TRAPPC8: variants seen among roughly 807,000 people sequenced by gnomAD.
The protein encoded by TRAPPC8 is trafficking protein particle complex subunit 8.
In TRAPPC8, 54 loss-of-function variants were observed where a neutral mutation model predicts 174.3. The ratio of observed to expected loss-of-function variants is 0.31; its 90% confidence interval spans 0.25 to 0.39. The LOEUF is 0.39. Ranked by LOEUF, TRAPPC8 falls within the 10% of genes least tolerant of loss-of-function variation. The pLI, the probability that TRAPPC8 is intolerant of heterozygous loss-of-function variation, is 1.00. For missense variants in TRAPPC8, 1,531 were observed against 1,699.1 expected (o/e 0.90, Z 1.74); for synonymous variants, 630 against 579.9 (o/e 1.09, Z -1.24).
At chr18:31,929,043 G>A (rs898251213) in intron 2 of TRAPPC8, among the ~76,000 whole-genome samples, 4 of 151,930 alleles carry the variant, frequency 2.6e-5, no homozygotes, top group Admixed American at 6.6e-5. Context: ...TTAGCTGGGC[G>A]TGGTGGTGGG....
At position 31,877,339 on chromosome 18, in the gene TRAPPC8, G is replaced by A. The variant is rs551643209; in HGVS notation, c.1729-2635C>T. Among the ~76,000 whole-genome samples the A allele has an allele frequency of 2.6e-4, 39 of 152,016 alleles. 1 individual carries two copies. Among genetic ancestry groups the A allele is most frequent in the East Asian group, 2.1e-3 (11 of 5,138 alleles). On this transcript the variant is annotated intron_variant, in intron 12 of 28. Coordinates refer to ENST00000283351, the MANE Select transcript of TRAPPC8 (RefSeq NM_014939.5). ...CAGCTAAAAGTGAGCCTGGCCGGGC[G>A]CGGTGGCTCACACCTGTAATCCCAG...
Position 31,878,504 on chromosome 18 carries a change from G to A in TRAPPC8, c.1729-3800C>T, listed in dbSNP as rs115304111. ...CCAGCTCTACAAGAAATGCTCAAAG[G>A]AGTTCTAAACACGGAAACAAAAGGA... On this transcript the variant is annotated intron_variant, in intron 12 of 28. Coordinates refer to ENST00000283351, the MANE Select transcript of TRAPPC8 (RefSeq NM_014939.5). 6.2e-3 allele frequency among the ~76,000 whole-genome samples: 938 copies of A among 152,178 alleles called. 12 individuals carry two copies. Among genetic ancestry groups the A allele is most frequent in the African/African-American group, 0.022 (898 of 41,522 alleles).
intron 24 of TRAPPC8, among the ~76,000 whole-genome samples, chr18:31,851,262 C>T (rs879824269): frequency 6.6e-6 from 1 of 152,070 alleles, no homozygotes; most frequent in Non-Finnish European, 1.5e-5. Flanking sequence ...ATGCATACTC[C>T]CAAAGTCCAC....
chr18:31,899,332 T>A (rs911150871), intron 10 of TRAPPC8, among the ~76,000 whole-genome samples: 1 of 152,244 alleles, frequency 6.6e-6, no homozygotes, highest in Admixed American at 6.5e-5. Flanking sequence ...AGGTTTGTTA[T>A]TAAGACTAAA....
At chr18:31,890,112 TGTTTAATCCAA>T (rs2035890039) in intron 12 of TRAPPC8, among the ~76,000 whole-genome samples, 1 of 152,194 alleles carries the variant, frequency 6.6e-6, no homozygotes, top group South Asian at 2.1e-4. Flanking sequence ...TAGAGATGGT[TGTTTAATCCAA>T]GTTTCCATTT....
Position 31,942,524 on chromosome 18 carries a change from C to CAG in TRAPPC8, c.157+83_157+84insCT. 6.3e-6 allele frequency: 9 copies of CAG among 1,423,038 alleles called. No homozygotes were observed. In the South Asian group the frequency reaches 1.2e-4, roughly 19 times the overall value. The allele number at this position is 1,423,038 out of a possible 1,614,324, so 88.2% of individuals were successfully genotyped here. ...CCGGCTCCAGGACGTAAACACTGCC[C>CAG]TTCTCTTCCCTGCCCGCCCGCAACT... is the stretch of plus-strand genomic sequence containing the variant. On this transcript the variant is annotated intron_variant, in intron 1 of 28. Coordinates refer to ENST00000283351, the MANE Select transcript of TRAPPC8 (RefSeq NM_014939.5).
intron 27 of TRAPPC8, among the ~76,000 whole-genome samples, chr18:31,836,932 T>C (rs1047700798): frequency 9.9e-5 from 15 of 152,092 alleles, no homozygotes; most frequent in African/African-American, 3.1e-4. Context: ...CGGCTAATTT[T>C]TTTGTATTTT....
chr18:31,880,121 ATTTTTT>A (rs56728828), intron 12 of TRAPPC8, among the ~76,000 whole-genome samples: 2 of 69,052 alleles, frequency 2.9e-5, no homozygotes, highest in African/African-American at 1.2e-4. Context: ...ATATATATAT[ATTTTTT>A]TTTTTTTAAG....
chr18:31,877,791 C>G (rs867547090), intron 12 of TRAPPC8, among the ~76,000 whole-genome samples: 3 of 151,608 alleles, frequency 2.0e-5, no homozygotes, highest in African/African-American at 7.3e-5. Flanking sequence ...GGCGTGGTGG[C>G]GCGTGCCTGT....
At chr18:31,941,854 C>A (rs2144342667) in intron 1 of TRAPPC8, among the ~76,000 whole-genome samples, 1 of 152,228 alleles carries the variant, frequency 6.6e-6, no homozygotes, top group East Asian at 1.9e-4. Context: ...ACATTATTTT[C>A]TCCTAATAAA....
chr18:31,875,459 G>C (rs540381372), intron 12 of TRAPPC8, among the ~76,000 whole-genome samples: 1 of 152,088 alleles, frequency 6.6e-6, no homozygotes, highest in East Asian at 1.9e-4. Flanking sequence ...GGCCAGTGTT[G>C]TGACCACTGA....
In TRAPPC8 at chr18:31,924,266, C is replaced by A. The variant is rs1187322278; in HGVS notation, c.353-6599G>T. On this transcript the variant is annotated intron_variant, in intron 2 of 28. Coordinates refer to ENST00000283351, the MANE Select transcript of TRAPPC8 (RefSeq NM_014939.5). Reference sequence around the variant, plus strand: ...CGCCATTGCACTCCAGCCTGGGCAACAAGAGCAAGAATCCGTCTCAAAAAA... The same window carrying A: ...CGCCATTGCACTCCAGCCTGGGCAAAAAGAGCAAGAATCCGTCTCAAAAAA... Among the ~76,000 whole-genome samples, 3 of 143,620 alleles carry A rather than the reference C, an allele frequency of 2.1e-5. No individual in the cohort carries two copies. In the Admixed American group the frequency reaches 2.1e-4, roughly 10 times the overall value. The allele number at this position is 143,620 out of a possible 152,430, so 94.2% of individuals were successfully genotyped here. A position where few individuals can be genotyped will look rare whatever the true frequency, so the allele number is the denominator to read the frequency against.
chr18:31,905,037 A>ATTTCC, intron 9 of TRAPPC8, among the ~76,000 whole-genome samples: 1 of 152,034 alleles, frequency 6.6e-6, no homozygotes, highest in African/African-American at 2.4e-5. Flanking sequence ...CTCAAAAAAA[A>ATTTCC]AAAAAAAGTC....
At chr18:31,900,773 A>T in intron 10 of TRAPPC8, 152 bp downstream of exon 10, 1 of 568,488 alleles carries the variant, frequency 1.8e-6, no homozygotes, top group Non-Finnish European at 3.0e-6. Context: ...GAAAAGAAAA[A>T]GGTATAATAA....
chr18:31,842,500 G>C lies in TRAPPC8; in HGVS notation c.3838-3043C>G, dbSNP rs868393437. Among the ~76,000 whole-genome samples, 10 of 152,300 alleles carry C rather than the reference G, an allele frequency of 6.6e-5. No individual in the cohort carries two copies. The South Asian group carries it at 1.5e-3, about 22-fold the overall frequency. ...TGCACAATGAAGATGTAACTACAGA[G>C]ACACCAAATACTAATGTGGGTAAGC... On this transcript the variant is annotated intron_variant, in intron 26 of 28. Transcript: ENST00000283351.
At chr18:31,907,675 C>A in intron 8 of TRAPPC8, 65 bp from the exon 9 acceptor site, 1 of 1,317,414 alleles carries the variant, frequency 7.6e-7, no homozygotes, top group Non-Finnish European at 1.0e-6. Flanking sequence ...TTATAAAATA[C>A]ATTAACAAGC....
chr18:31,913,644 G>T, intron 4 of TRAPPC8, 122 bp from the exon 5 acceptor site: 1 of 730,034 alleles, frequency 1.4e-6, no homozygotes, highest in Non-Finnish European at 2.0e-6. Flanking sequence ...ATTTAGACTG[G>T]AAAAATATAA....
At chr18:31,898,935 C>T (rs1335958511) in intron 10 of TRAPPC8, among the ~76,000 whole-genome samples, 1 of 152,158 alleles carries the variant, frequency 6.6e-6, no homozygotes, top group East Asian at 1.9e-4. Flanking sequence ...AGCTTGCTAA[C>T]TTGAATTTAC....
intron 15 of TRAPPC8, 74 bp from the exon 16 acceptor site, chr18:31,870,576 G>C (rs1049921392): frequency 2.5e-5 from 37 of 1,483,384 alleles, no homozygotes; most frequent in Non-Finnish European, 3.4e-5. Context: ...TCTTCTAAAT[G>C]CATCTTGCTT....
Sources: allele counts gnomAD v4.1 joint callset (sites outside exome capture counted in the v4.1 genomes callset), GRCh38; gene constraint gnomAD v4.1.1; transcripts MANE v1.5; gene names NCBI Gene and HGNC (gene_info 2026-07-23, HGNC 2026-07-21).